Variants in UMODL1 observed in about 807,000 individuals in gnomAD.
UMODL1 encodes uromodulin-like 1.
Under a neutral mutation model 136.3 loss-of-function variants are expected in UMODL1, and 128 were observed. The ratio of observed to expected loss-of-function variants is 0.94; its 90% CI spans 0.81 to 1.09. The LOEUF (loss-of-function observed/expected upper bound fraction) is 1.09, where lower values mean the gene tolerates loss of function less well. UMODL1 is among the 50% of genes least tolerant of loss of function. The pLI, the probability that UMODL1 is intolerant of heterozygous loss-of-function variation, is 0.00. For synonymous variants in UMODL1, 721 were observed against 720.0 expected, an observed-to-expected ratio of 1.00 and a Z score of -0.02; for missense variants, 1,766 against 1,725.6, an observed-to-expected ratio of 1.02 and a Z score of -0.41.
intron 2 of UMODL1, among the ~76,000 whole-genome samples, chr21:42,082,416 G>A (rs1224705831): frequency 6.6e-6 from 1 of 152,194 alleles, no homozygotes; most frequent in Admixed American, 6.5e-5. Context: ...AGTCTTCTGG[G>A]CTCTGAGAGG....
rs1421025591 is a variant in UMODL1, at chr21:42,090,378, T to C, written c.871T>C (p.Cys291Arg). ...LCANLEGSYW[C>R]VCHQEAPATS... Reference sequence around the variant, plus strand: ...CGCAAACCTGGAGGGCTCGTACTGGTGCGTCTGTCACCAGGAAGCTCCAGC... The same window carrying C: ...CGCAAACCTGGAGGGCTCGTACTGGCGCGTCTGTCACCAGGAAGCTCCAGC... Residue 291 changes from cysteine to arginine, a missense_variant, in exon 6 of 23, where the codon TGC becomes CGC. Physicochemically the swap from Cys to Arg is radical, Grantham distance 180. Coordinates refer to ENST00000408910, the MANE Select transcript of UMODL1 (RefSeq NM_001004416.3). 6.2e-7 allele frequency: 1 copy of C among 1,614,080 alleles called. No individual in the cohort carries two copies. The highest frequency in any genetic ancestry group is 2.2e-5 in the East Asian group (1 of 44,880).
intron 7 of UMODL1, among the ~76,000 whole-genome samples, chr21:42,101,258 G>A (rs2066628144): frequency 6.6e-6 from 1 of 152,068 alleles, no homozygotes; most frequent in South Asian, 2.1e-4. Context: ...CAGGGCCCTG[G>A]AGGAGGCCGC....
At chr21:42,141,922 ACTCTGGGAGTGGCTGC>A (rs1159386821) in intron 22 of UMODL1, among the ~76,000 whole-genome samples, 158 bp from the exon 23 acceptor site, 1 of 152,088 alleles carries the variant, frequency 6.6e-6, no homozygotes, top group East Asian at 1.9e-4. Context: ...TCCACTGGGC[ACTCTGGGAGTGGCTGC>A]CTTTTCATTA....
chr21:42,075,930 G>C, intron 1 of UMODL1, 75 bp from the exon 2 acceptor site: 1 of 1,580,996 alleles, frequency 6.3e-7, no homozygotes, highest in Non-Finnish European at 8.6e-7. Context: ...ATTGCAGAGG[G>C]ACGCCTTGCG....
At chr21:42,073,256 G>A (rs1009721524) in intron 1 of UMODL1, among the ~76,000 whole-genome samples, 5 of 152,238 alleles carry the variant, frequency 3.3e-5, no homozygotes, top group African/African-American at 4.8e-5. Context: ...CTAGCTCGGC[G>A]TGGTCACTGA....
chr21:42,132,494 A>G (rs911609058), intron 21 of UMODL1, among the ~76,000 whole-genome samples: 1 of 151,326 alleles, frequency 6.6e-6, no homozygotes, highest in Non-Finnish European at 1.5e-5. Flanking sequence ...CCATTCGTCC[A>G]TCTATCATTC....
In UMODL1 at chr21:42,075,934, C is replaced by T; in HGVS notation, c.77-71C>T. On this transcript the variant is annotated intron_variant, in intron 1 of 22. Coordinates refer to ENST00000408910, the MANE Select transcript of UMODL1 (RefSeq NM_001004416.3). ...TCTCACTTGCTATTGCAGAGGGACGCCTTGCGGATAACCGCTCGCACGGAT... is the reference window on the plus strand; with the variant it reads ...TCTCACTTGCTATTGCAGAGGGACGTCTTGCGGATAACCGCTCGCACGGAT... The T allele has an allele frequency of 5.7e-6, 9 of 1,586,162 alleles. No individual in the cohort carries two copies. The South Asian group carries it at 1.0e-4, about 18-fold the overall frequency.
intron 1 of UMODL1, 21 bp downstream of exon 1, chr21:42,071,413 A>G (rs1401640234): frequency 9.0e-6 from 14 of 1,561,154 alleles, no homozygotes; most frequent in Non-Finnish European, 1.0e-5. Flanking sequence ...TGGGCTTGGC[A>G]TGGGCAGTTC....
intron 6 of UMODL1, among the ~76,000 whole-genome samples, chr21:42,097,387 G>A (rs2066570964): frequency 6.6e-6 from 1 of 152,204 alleles, no homozygotes; most frequent in Non-Finnish European, 1.5e-5. Context: ...AAAGGAGGCA[G>A]CTCAGTCTCA....
In UMODL1 at chr21:42,111,576, T is replaced by C; in HGVS notation, c.1970T>C (p.Leu657Pro). ...SPTEDPTGHF[L>P]WHATRSTRET... is the part of the protein sequence containing the mutation. ...ACTGAGGACCCCACCGGCCACTTCCTGTGGCATGCCACCCGTTCCACCCGG... is the reference window on the plus strand; with the variant it reads ...ACTGAGGACCCCACCGGCCACTTCCCGTGGCATGCCACCCGTTCCACCCGG... The change falls in exon 12 of 23, where the codon CTG becomes CCG. Residue 657 changes from leucine (L) to proline (P), a missense_variant. Transcript: ENST00000408910. The C allele has an allele frequency of 6.2e-7, 1 of 1,614,138 alleles. No individual in the cohort carries two copies.
chr21:42,115,755 G>A (rs1434549894), intron 13 of UMODL1, 118 bp from the exon 14 acceptor site: 2 of 736,750 alleles, frequency 2.7e-6, no homozygotes, highest in African/African-American at 1.8e-5. Flanking sequence ...TCTAGAACAC[G>A]GGTTGGCTTT....
rs1278834073 is a variant in UMODL1, at chr21:42,099,317, C to T, written c.1186+137C>T. On this transcript the variant is annotated intron_variant, in intron 7 of 22. Transcript: ENST00000408910. The surrounding 1 kb of genome is among the most constrained non-coding windows in gnomAD (Gnocchi z 4.1). ...ACTGACCGCCCTGCACTTCCTCCCT[C>T]CCCTCCCAGTCATCCCACTGCCTGC... 3 of 1,299,124 alleles carry T rather than the reference C, an allele frequency of 2.3e-6. No individual in the cohort carries two copies. Among genetic ancestry groups the T allele is most frequent in the Non-Finnish European group, 3.1e-6 (3 of 970,820 alleles). The allele number at this position is 1,299,124 out of a possible 1,614,324, so 80.5% of individuals were successfully genotyped here. A position where few individuals can be genotyped will look rare whatever the true frequency, so the allele number is the denominator to read the frequency against.
intron 6 of UMODL1, among the ~76,000 whole-genome samples, chr21:42,094,576 G>A (rs941806023): frequency 3.3e-5 from 5 of 152,160 alleles, no homozygotes; most frequent in Admixed American, 2.6e-4. Context: ...GGGGGACACT[G>A]AAAAGGGTCC....
chr21:42,140,296 T>G (rs1315978746), intron 22 of UMODL1, among the ~76,000 whole-genome samples: 1 of 100,546 alleles, frequency 9.9e-6, no homozygotes. Context: ...CAGAAAGGGA[T>G]AGACGTCCCA....
At chr21:42,075,302 A>G (rs1262985026) in intron 1 of UMODL1, among the ~76,000 whole-genome samples, 1 of 151,292 alleles carries the variant, frequency 6.6e-6, no homozygotes, top group East Asian at 1.9e-4. Flanking sequence ...TGAGTGATCC[A>G]CCTGCCTCGG....
intron 22 of UMODL1, among the ~76,000 whole-genome samples, chr21:42,139,263 G>A (rs775081202): frequency 1.3e-5 from 2 of 152,302 alleles, no homozygotes; most frequent in Non-Finnish European, 2.9e-5. Flanking sequence ...ATGCGGCTTC[G>A]GCTTCTGGGG....
At chr21:42,138,695 C>A (rs2123407056) in intron 22 of UMODL1, among the ~76,000 whole-genome samples, 1 of 152,206 alleles carries the variant, frequency 6.6e-6, no homozygotes, top group Admixed American at 6.5e-5. Flanking sequence ...CCTGTCTCAG[C>A]CTCCTGAGTA....
Position 42,123,259 on chromosome 21 carries a change from A to C in UMODL1, c.3147+109A>C. ...GGCAAGACTCTGCACCCCGAGGGGAACCCAGCAAGGGGGGTTCAGGACAGG... is the reference window on the plus strand; with the variant it reads ...GGCAAGACTCTGCACCCCGAGGGGACCCCAGCAAGGGGGGTTCAGGACAGG... On this transcript the variant is annotated intron_variant, in intron 17 of 22. Coordinates refer to ENST00000408910, the MANE Select transcript of UMODL1 (RefSeq NM_001004416.3). The surrounding 1 kb of genome is among the most constrained non-coding windows in gnomAD (Gnocchi z 4.4). 1 of 1,294,124 alleles carries C rather than the reference A, an allele frequency of 7.7e-7. No homozygotes were observed. The allele number at this position is 1,294,124 out of a possible 1,614,324, so 80.2% of individuals were successfully genotyped here. A position where few individuals can be genotyped will look rare whatever the true frequency, so the allele number is the denominator to read the frequency against.
chr21:42,096,377 A>C (rs2066557623), intron 6 of UMODL1, among the ~76,000 whole-genome samples: 1 of 152,204 alleles, frequency 6.6e-6, no homozygotes, highest in Non-Finnish European at 1.5e-5. Flanking sequence ...CCAGGTTTGC[A>C]GGTCCCCCAT....
Sources: gnomAD v4.1 joint callset for allele counts (sites outside exome capture counted in the v4.1 genomes callset) on GRCh38, gnomAD v4.1.1 for gene constraint, Gnocchi (gnomAD v3.1) non-coding constraint, MANE v1.5 for transcripts, NCBI Gene and HGNC (gene_info 2026-07-23, HGNC 2026-07-21) for gene names.